PTPN14: variants seen among roughly 807,000 people sequenced by gnomAD.
PTPN14 encodes the protein tyrosine-protein phosphatase non-receptor type 14.
A neutral mutation model predicts 126.8 loss-of-function variants in PTPN14; 53 were observed. That is an observed-to-expected ratio of 0.42 (90% confidence interval 0.34 to 0.53). The LOEUF (loss-of-function observed/expected upper bound fraction) is 0.53, where lower values mean the gene tolerates loss of function less well. Ranked by LOEUF, PTPN14 falls within the 20% of genes least tolerant of loss-of-function variation. The pLI, the probability that PTPN14 is intolerant of heterozygous loss-of-function variation, is 0.08. For synonymous variants in PTPN14, 630 were observed against 599.3 expected (o/e 1.05, Z -0.75); for missense variants, 1,257 against 1,552.9 (o/e 0.81, Z 3.20).
At chr1:214,402,203 C>G (rs1034591637) in intron 6 of PTPN14, among the ~76,000 whole-genome samples, 1 of 151,576 alleles carries the variant, frequency 6.6e-6, no homozygotes, top group Non-Finnish European at 1.5e-5. Flanking sequence ...TTTGGGAGGC[C>G]GAGGCAGGCA....
chr1:214,436,926 A>G (rs1368102921), intron 3 of PTPN14, among the ~76,000 whole-genome samples: 2 of 152,088 alleles, frequency 1.3e-5, no homozygotes, highest in African/African-American at 4.8e-5. Flanking sequence ...CAACACACAA[A>G]ATCTCTCAAT....
At chr1:214,370,056 G>A (rs758478959) in intron 16 of PTPN14, among the ~76,000 whole-genome samples, 5 of 152,178 alleles carry the variant, frequency 3.3e-5, no homozygotes, top group Admixed American at 6.5e-5. Context: ...CAAGGCGCGT[G>A]GATCACAAGG....
At chr1:214,392,619 G>C (rs1365524794) in intron 10 of PTPN14, among the ~76,000 whole-genome samples, 1 of 152,160 alleles carries the variant, frequency 6.6e-6, no homozygotes, top group African/African-American at 2.4e-5. Context: ...AGAATGGTGT[G>C]GTGCGGCACA....
At chr1:214,407,875 G>A (rs977500653) in intron 5 of PTPN14, among the ~76,000 whole-genome samples, 1 of 152,124 alleles carries the variant, frequency 6.6e-6, no homozygotes, top group Non-Finnish European at 1.5e-5. Context: ...GAACTCAAAG[G>A]AGCCCATGCA....
intron 15 of PTPN14, among the ~76,000 whole-genome samples, chr1:214,373,243 G>A (rs1373626620): frequency 6.6e-6 from 1 of 152,018 alleles, no homozygotes; most frequent in Non-Finnish European, 1.5e-5. Context: ...TTGTAGAGAT[G>A]GCGTTTCACC....
In PTPN14 at chr1:214,437,010, A is replaced by ATT. The variant is rs10582793; in HGVS notation, c.344+14793_344+14794dup. 9.1e-4 allele frequency among the ~76,000 whole-genome samples: 135 copies of ATT among 147,760 alleles called. 2 individuals carry two copies. In the South Asian group the frequency reaches 0.025, roughly 27 times the overall value. The stretch of plus-strand genomic sequence containing the variant: ...GCTATCTAGAACCAAGCCTCTCTGT[A>ATT]TTTTTTTTTTTTTTTACTTAAATAT... On this transcript the variant is annotated intron_variant, in intron 3 of 18. Coordinates refer to ENST00000366956, the MANE Select transcript of PTPN14 (RefSeq NM_005401.5).
chr1:214,367,518 C>T (rs1658110938), intron 17 of PTPN14, among the ~76,000 whole-genome samples: 1 of 152,150 alleles, frequency 6.6e-6, no homozygotes, highest in African/African-American at 2.4e-5. Flanking sequence ...CCCTTTTCTC[C>T]CATTCTAAAT....
intron 1 of PTPN14, among the ~76,000 whole-genome samples, chr1:214,550,416 A>C (rs181529700): frequency 6.6e-6 from 1 of 152,338 alleles, no homozygotes; most frequent in East Asian, 1.9e-4. Context: ...AGGTTGGAGA[A>C]CAAGAACCCA....
chr1:214,398,782 T>C (rs1658948476), intron 7 of PTPN14, among the ~76,000 whole-genome samples: 1 of 150,430 alleles, frequency 6.6e-6, no homozygotes, highest in African/African-American at 2.5e-5. Context: ...TTTTTTTTTT[T>C]TTGAGACGTA....
At chr1:214,407,827 A>T (rs1659205092) in intron 5 of PTPN14, among the ~76,000 whole-genome samples, 1 of 152,188 alleles carries the variant, frequency 6.6e-6, no homozygotes, top group Admixed American at 6.5e-5. Flanking sequence ...CCAGCTGACC[A>T]GCTTGAATCC....
chr1:214,373,523 T>A (rs925824408), intron 15 of PTPN14, among the ~76,000 whole-genome samples: 1 of 151,562 alleles, frequency 6.6e-6, no homozygotes, highest in Non-Finnish European at 1.5e-5. Context: ...TCTAACACTT[T>A]CCATTCTTTT....
At chr1:214,480,353 C>CG (rs1273213850) in intron 1 of PTPN14, among the ~76,000 whole-genome samples, 3 of 152,220 alleles carry the variant, frequency 2.0e-5, no homozygotes, top group Admixed American at 6.5e-5. Context: ...AAAAGACCCA[C>CG]GCTTGGAGTC....
chr1:214,385,906 C>G (rs563157914), intron 12 of PTPN14, among the ~76,000 whole-genome samples: 15 of 152,262 alleles, frequency 9.9e-5, no homozygotes, highest in Admixed American at 6.5e-5. Context: ...ATAAAAAGTA[C>G]TATTTTTATT....
chr1:214,524,375 G>A (rs1020325418), intron 1 of PTPN14, among the ~76,000 whole-genome samples: 2 of 152,076 alleles, frequency 1.3e-5, no homozygotes, highest in Non-Finnish European at 2.9e-5. Context: ...AAGAGGGCTG[G>A]GCGTGGTGGC....
chr1:214,466,758 T>C (rs182200173), intron 1 of PTPN14, among the ~76,000 whole-genome samples: 8 of 152,266 alleles, frequency 5.3e-5, no homozygotes, highest in South Asian at 2.1e-4. Context: ...ACACTCTTCA[T>C]CCATCTGCCG....
rs780532401 is a variant in PTPN14 at position 214,369,602 on chromosome 1, C to T, written c.3126G>A (p.Thr1042=). The T allele has an allele frequency of 4.3e-6, 7 of 1,614,166 alleles. No homozygotes were observed. Among genetic ancestry groups the T allele is most frequent in the Non-Finnish European group, 5.9e-6 (7 of 1,180,024 alleles). The change falls in exon 17 of 19, where the codon ACG becomes ACA. Residue 1042 remains threonine (T), a synonymous_variant. Transcript: ENST00000366956. ...AGCAAACAGAATCCGTTCGAAACTT[C>T]GTGGTGACCTTGAACTTGCCATAGG... is the stretch of plus-strand genomic sequence containing the variant. ...SATYGKFKVT[T]KFRTDSVCYA... is the part of the protein sequence containing the mutation.
intron 2 of PTPN14, among the ~76,000 whole-genome samples, chr1:214,456,251 A>G (rs1660379471): frequency 6.6e-6 from 1 of 152,208 alleles, no homozygotes; most frequent in Non-Finnish European, 1.5e-5. Context: ...ATTAAGTTGT[A>G]ATAGGTTGCC....
At chr1:214,475,495 G>A (rs557324356) in intron 1 of PTPN14, among the ~76,000 whole-genome samples, 6 of 152,188 alleles carry the variant, frequency 3.9e-5, no homozygotes, top group Admixed American at 2.6e-4. Flanking sequence ...AATGAGCTTT[G>A]TCTAGTCACG....
chr1:214,446,391 T>C lies in PTPN14; in HGVS notation c.344+5414A>G, dbSNP rs150471415. On this transcript the variant is annotated intron_variant, in intron 3 of 18. Transcript: ENST00000366956. Reference sequence around the variant, plus strand: ...TTTCTTATCCAACACAATCATAGTGTCTTGGCAGGTTTCCCTCACTTATGA... The same window carrying C: ...TTTCTTATCCAACACAATCATAGTGCCTTGGCAGGTTTCCCTCACTTATGA... Among the ~76,000 whole-genome samples the C allele has an allele frequency of 2.7e-3, 415 of 152,322 alleles. 1 individual carries two copies. Among genetic ancestry groups the C allele is most frequent in the African/African-American group, 9.5e-3 (395 of 41,568 alleles).
Sources: allele counts gnomAD v4.1 joint callset (sites outside exome capture counted in the v4.1 genomes callset), GRCh38; gene constraint gnomAD v4.1.1; transcripts MANE v1.5; gene names NCBI Gene and HGNC (gene_info 2026-07-23, HGNC 2026-07-21).